The following SH3BGR variants were observed in gnomAD, a reference collection of about 807,000 sequenced individuals.
SH3BGR encodes the protein SH3 domain binding glutamate rich protein, also known as SH3 domain-binding glutamic acid-rich protein.
In SH3BGR, 29 loss-of-function variants were observed where a neutral mutation model predicts 24.5. The ratio of observed to expected loss-of-function variants is 1.18; its 90% CI spans 0.88 to 1.61. SH3BGR has a LOEUF of 1.61. Among genes scored for constraint, SH3BGR ranks in the 40% most tolerant of loss-of-function variants. The pLI is 0.00. For missense variants in SH3BGR, 162 were observed against 205.8 expected, an observed-to-expected ratio of 0.79 and a Z score of 1.30; for synonymous variants, 55 against 65.7, an observed-to-expected ratio of 0.84 and a Z score of 0.79.
At chr21:39,488,925 G>A (rs1006095380) in intron 3 of SH3BGR, among the ~76,000 whole-genome samples, 20 of 152,052 alleles carry the variant, frequency 1.3e-4, no homozygotes, top group African/African-American at 4.8e-4. Context: ...CTTGCCATGA[G>A]CATTCACCAA....
intron 3 of SH3BGR, among the ~76,000 whole-genome samples, chr21:39,495,355 A>G (rs1247488902): frequency 6.6e-6 from 1 of 152,190 alleles, no homozygotes; most frequent in Non-Finnish European, 1.5e-5. Context: ...TGTTTGTTTC[A>G]GCAGGCATTT....
At chr21:39,501,324 T>A (rs1031887275) in intron 4 of SH3BGR, among the ~76,000 whole-genome samples, 2 of 152,232 alleles carry the variant, frequency 1.3e-5, no homozygotes, top group Non-Finnish European at 2.9e-5. Flanking sequence ...TGGGCTTTGC[T>A]TCAGCTTCTC....
At chr21:39,461,942 A>G (rs1382463104) in intron 1 of SH3BGR, among the ~76,000 whole-genome samples, 1 of 152,052 alleles carries the variant, frequency 6.6e-6, no homozygotes, top group Non-Finnish European at 1.5e-5. Flanking sequence ...TCCACCTCCC[A>G]GGCTCAAGTG....
At chr21:39,449,611 G>A (rs1023609107), upstream of SH3BGR, among the ~76,000 whole-genome samples, 1 of 152,088 alleles carries the variant, frequency 6.6e-6, no homozygotes, top group African/African-American at 2.4e-5. Flanking sequence ...TTTTTAATTT[G>A]TACATTTTTA....
intron 4 of SH3BGR, among the ~76,000 whole-genome samples, chr21:39,502,490 C>T (rs1023829621): frequency 3.3e-5 from 5 of 152,264 alleles, no homozygotes; most frequent in East Asian, 1.9e-4. Context: ...CAACACGCTG[C>T]GGTGGATATA....
At chr21:39,470,511 C>G (rs2123361730) in intron 2 of SH3BGR, among the ~76,000 whole-genome samples, 1 of 152,308 alleles carries the variant, frequency 6.6e-6, no homozygotes, top group South Asian at 2.1e-4. Context: ...ATCCGCCCAC[C>G]TTGGCCTCCC....
intron 1 of SH3BGR, among the ~76,000 whole-genome samples, chr21:39,458,264 CTT>C (rs2077696720): frequency 6.6e-6 from 1 of 151,966 alleles, no homozygotes; most frequent in East Asian, 1.9e-4. Flanking sequence ...ATTCAGAAGA[CTT>C]TTAAAAAATT....
rs2078762887 is a variant in SH3BGR, at chr21:39,515,394, TACA to T, written c.*346_*348del. 5.9e-6 allele frequency: 1 copy of T among 168,772 alleles called. No individual in the cohort carries two copies. The highest frequency in any genetic ancestry group is 1.3e-5 in the Non-Finnish European group (1 of 77,736). The allele number at this position is 168,772 out of a possible 1,614,324, so 10.5% of individuals were successfully genotyped here. On this transcript the variant is annotated 3_prime_UTR_variant, in exon 7 of 7. Coordinates refer to ENST00000333634, the MANE Select transcript of SH3BGR (RefSeq NM_007341.3). The stretch of plus-strand genomic sequence containing the variant: ...TTCAAGGCATGGAAGTTCTCTGTGA[TACA>T]ACAATAGTATTTCTTCAAATGCGCC...
intron 2 of SH3BGR, 149 bp downstream of exon 2, chr21:39,462,709 C>A: frequency 2.0e-6 from 1 of 493,846 alleles, no homozygotes; most frequent in Non-Finnish European, 3.5e-6. Flanking sequence ...ATGGTAGATC[C>A]ATTATGAATA....
At chr21:39,503,825 C>G (rs1224706900) in intron 4 of SH3BGR, among the ~76,000 whole-genome samples, 2 of 152,122 alleles carry the variant, frequency 1.3e-5, no homozygotes, top group Non-Finnish European at 2.9e-5. Context: ...CTTGGGAGGT[C>G]AGGAGGGTGA....
At chr21:39,510,791 G>C (rs771509500) in intron 5 of SH3BGR, among the ~76,000 whole-genome samples, 71 of 150,814 alleles carry the variant, frequency 4.7e-4, no homozygotes, top group Non-Finnish European at 9.2e-4. Flanking sequence ...ATAGGTTGCT[G>C]ATAACTTTTG....
intron 3 of SH3BGR, among the ~76,000 whole-genome samples, chr21:39,483,379 G>T (rs1164869435): frequency 6.6e-6 from 1 of 152,174 alleles, no homozygotes; most frequent in African/African-American, 2.4e-5. Flanking sequence ...TGCCATTCAT[G>T]TCTAGGGACA....
chr21:39,508,580 G>T (rs982496731), intron 4 of SH3BGR, among the ~76,000 whole-genome samples: 2 of 152,226 alleles, frequency 1.3e-5, no homozygotes, highest in African/African-American at 4.8e-5. Context: ...GTTCAAACCT[G>T]AAGTAAAGAC....
chr21:39,498,366 A>G (rs2078433527), intron 3 of SH3BGR, among the ~76,000 whole-genome samples: 1 of 152,162 alleles, frequency 6.6e-6, no homozygotes, highest in African/African-American at 2.4e-5. Context: ...AAAGGCTGGG[A>G]CCCATTTTGT....
chr21:39,513,392 A>T (rs1381105077), intron 6 of SH3BGR, among the ~76,000 whole-genome samples: 1 of 152,190 alleles, frequency 6.6e-6, no homozygotes, highest in Non-Finnish European at 1.5e-5. Context: ...ACCAAAGTCC[A>T]ATTTGAATAG....
At chr21:39,512,532 TAAGAC>T (rs2078714271) in intron 6 of SH3BGR, among the ~76,000 whole-genome samples, 1 of 152,230 alleles carries the variant, frequency 6.6e-6, no homozygotes, top group Non-Finnish European at 1.5e-5. Flanking sequence ...TAAGTGTTAA[TAAGAC>T]AATAGAATCT....
chr21:39,472,771 C>T (rs1461779495), intron 2 of SH3BGR, among the ~76,000 whole-genome samples: 1 of 152,172 alleles, frequency 6.6e-6, no homozygotes, highest in Non-Finnish European at 1.5e-5. Context: ...ACTTTGAAGG[C>T]AGAACCCTCT....
Position 39,465,353 on chromosome 21 carries a change from A to G in SH3BGR, c.231+2793A>G, listed in dbSNP as rs1292832919. 3.3e-5 allele frequency among the ~76,000 whole-genome samples: 5 copies of G among 152,126 alleles called. 1 individual carries two copies. The highest frequency in any genetic ancestry group is 4.1e-4 in the South Asian group (2 of 4,826). ...CTCCTATTGCTGTCTTGAAATTCTC[A>G]ACCATTTTTGAAGGAAGGGCCTCAT... On this transcript the variant is annotated intron_variant, in intron 2 of 6. Coordinates refer to ENST00000333634, the MANE Select transcript of SH3BGR (RefSeq NM_007341.3).
At chr21:39,499,026 G>A (rs1298387477) in intron 3 of SH3BGR, among the ~76,000 whole-genome samples, 2 of 152,178 alleles carry the variant, frequency 1.3e-5, no homozygotes, top group Non-Finnish European at 2.9e-5. Flanking sequence ...AAGGAGAAGT[G>A]CTGAACGAAG....
Sources: allele counts gnomAD v4.1 joint callset (sites outside exome capture counted in the v4.1 genomes callset), GRCh38; gene constraint gnomAD v4.1.1; transcripts MANE v1.5; gene names NCBI Gene and HGNC (gene_info 2026-07-23, HGNC 2026-07-21).